Variants in PLXND1 observed in about 807,000 individuals in gnomAD.
The protein encoded by PLXND1 is plexin-D1.
PLXND1 carries 54 observed loss-of-function variants against 197.7 expected under a neutral mutation model. The ratio of observed to expected loss-of-function variants is 0.27; its 90% CI spans 0.22 to 0.34. The LOEUF (loss-of-function observed/expected upper bound fraction) is 0.34. Ranked by LOEUF, PLXND1 falls within the 10% of genes least tolerant of loss-of-function variation. The pLI, the probability that PLXND1 is intolerant of heterozygous loss-of-function variation, is 1.00. For synonymous variants in PLXND1, 1,180 were observed against 1,161.2 expected (o/e 1.02, Z -0.33); for missense variants, 2,127 against 2,699.2 (o/e 0.79, Z 4.70).
At chr3:129,586,950 C>T (rs1224019447) in intron 2 of PLXND1, among the ~76,000 whole-genome samples, 3 of 152,212 alleles carry the variant, frequency 2.0e-5, no homozygotes, top group Admixed American at 2.0e-4. Flanking sequence ...CCAAGGCATC[C>T]CGCCCTGTGA....
At chr3:129,586,936 G>T (rs575098781) in intron 2 of PLXND1, among the ~76,000 whole-genome samples, 16 of 152,322 alleles carry the variant, frequency 1.1e-4, no homozygotes, top group African/African-American at 3.6e-4. Flanking sequence ...TTCTGGGCTC[G>T]TCTCCAAGGC....
chr3:129,569,781 G>T, intron 20 of PLXND1, 62 bp downstream of exon 20: 1 of 911,874 alleles, frequency 1.1e-6, no homozygotes, highest in Non-Finnish European at 1.8e-6. Flanking sequence ...CCAATCTTCA[G>T]AGGGGCTGGG....
chr3:129,587,304 A>C (rs1261158670), intron 2 of PLXND1, among the ~76,000 whole-genome samples: 1 of 152,210 alleles, frequency 6.6e-6, no homozygotes, highest in African/African-American at 2.4e-5. Context: ...AAGAGATCAC[A>C]AGGCTACAAT....
At chr3:129,573,564 A>C in intron 13 of PLXND1, 30 bp downstream of exon 13, 1 of 1,600,838 alleles carries the variant, frequency 6.2e-7, no homozygotes, top group Non-Finnish European at 8.5e-7. Flanking sequence ...ACTGCTGGAG[A>C]AGGTAGGTGG....
intron 35 of PLXND1, 63 bp downstream of exon 35, chr3:129,556,554 G>C: frequency 7.4e-7 from 1 of 1,359,246 alleles, no homozygotes; most frequent in Non-Finnish European, 1.1e-6. Flanking sequence ...ACCCTGAGAT[G>C]TGTGTCCTTG....
rs2085235512 is a variant in PLXND1 at position 129,571,786 on chromosome 3, G to A, written c.3136C>T (p.Pro1046Ser). Residue 1046 changes from proline to serine, a missense_variant, in exon 16 of 36, where the codon CCT (proline) becomes TCT (serine). Around this residue, in one of 6 missense-constraint regions of PLXND1, gnomAD observed 1,095 missense variants for 1,259.8 expected, o/e 0.87. Coordinates refer to ENST00000324093, the MANE Select transcript of PLXND1 (RefSeq NM_015103.3). ...CGACGCTCGAAGCGCACACACACAG[G>A]CACCGGAGCCGGCAGGGCCCCCTCA... ...MPEGALPAPVPVCVRFERRGC... is the reference protein window; with the variant it reads ...MPEGALPAPVSVCVRFERRGC... 6.2e-7 allele frequency: 1 copy of A among 1,613,252 alleles called. No individual in the cohort carries two copies. Among genetic ancestry groups the A allele is most frequent in the Non-Finnish European group, 8.5e-7 (1 of 1,179,894 alleles).
chr3:129,592,779 C>T (rs1009524978), intron 1 of PLXND1, among the ~76,000 whole-genome samples: 7 of 152,118 alleles, frequency 4.6e-5, no homozygotes, highest in Non-Finnish European at 7.4e-5. Flanking sequence ...ATCTGTGTTC[C>T]GAGGGGGAAG....
At position 129,555,547 on chromosome 3, in the gene PLXND1, TA is replaced by T. The variant is rs529728173; in HGVS notation, c.*764del. On this transcript the variant is annotated 3_prime_UTR_variant, in exon 36 of 36. Transcript: ENST00000324093. ...TACGTTTTTTAATATATAAAAGCTT[TA>T]AAAAAAAAAGTGGTGCTATCTTTAG... is the stretch of plus-strand genomic sequence containing the variant. 1.3e-3 allele frequency: 710 copies of T among 553,750 alleles called. No individual in the cohort carries two copies. Among genetic ancestry groups the T allele is most frequent in the Admixed American group, 2.7e-3 (85 of 31,818 alleles). The allele number at this position is 553,750 out of a possible 1,614,324, so 34.3% of individuals were successfully genotyped here.
In PLXND1 at chr3:129,571,303, G is replaced by C; in HGVS notation, c.3337C>G (p.Leu1113Val). The change falls in exon 18 of 36, where the codon CTC becomes GTC. Residue 1113 changes from leucine (L) to valine (V), a missense_variant and splice_region_variant. Physicochemically the swap from Leu to Val is conservative, Grantham distance 32. This residue lies in a region of PLXND1 where 532 missense variants were observed against 811.0 expected (regional missense o/e 0.66). Coordinates refer to ENST00000324093, the MANE Select transcript of PLXND1 (RefSeq NM_015103.3). ...AGGGTGGAGTTGAGAACCTTGCAGAGCTGGTGCAGGAGAGCCAGGGGCCCA... is the reference window on the plus strand; with the variant it reads ...AGGGTGGAGTTGAGAACCTTGCAGACCTGGTGCAGGAGAGCCAGGGGCCCA... Reference protein sequence around the residue: ...AVHHIGREPTLCKVLNSTLIT... With the variant: ...AVHHIGREPTVCKVLNSTLIT... 6.2e-7 allele frequency: 1 copy of C among 1,611,460 alleles called. No homozygotes were observed. Among genetic ancestry groups the C allele is most frequent in the Non-Finnish European group, 8.5e-7 (1 of 1,178,832 alleles).
intron 2 of PLXND1, among the ~76,000 whole-genome samples, chr3:129,587,164 C>T (rs1211516240): frequency 6.6e-6 from 1 of 152,200 alleles, no homozygotes; most frequent in Non-Finnish European, 1.5e-5. Context: ...AAGACACAGG[C>T]CAGGCTGATG....
At chr3:129,565,194 CG>C in intron 25 of PLXND1, 145 bp downstream of exon 25, 1 of 670,518 alleles carries the variant, frequency 1.5e-6, no homozygotes, top group Non-Finnish European at 2.6e-6. Context: ...ACAGGTCCTA[CG>C]GGCCTGGCCT....
Position 129,567,483 on chromosome 3 carries a change from C to A in PLXND1, c.4086+9G>T. 1 of 1,539,006 alleles carries A rather than the reference C, an allele frequency of 6.5e-7. No homozygotes were observed. The highest frequency in any genetic ancestry group is 2.3e-5 in the East Asian group (1 of 43,354). On this transcript the variant is annotated intron_variant, in intron 22 of 35. Transcript: ENST00000324093. The stretch of plus-strand genomic sequence containing the variant: ...CACAGGTTCAGGGCAGGCTCAGGCT[C>A]GGGCTGACCTTGGGGAAGAAGGTGC...
intron 1 of PLXND1, among the ~76,000 whole-genome samples, chr3:129,599,462 C>T (rs1389368637): frequency 1.3e-5 from 2 of 152,220 alleles, no homozygotes; most frequent in Non-Finnish European, 2.9e-5. Context: ...GCCTGCCTGG[C>T]TGTGGAAGGC....
Position 129,600,609 on chromosome 3 carries a change from G to A in PLXND1, c.1311+4720C>T, listed in dbSNP as rs1057108148. ...GGTCGAGACATTCTCAGGGCTGGGA[G>A]GGATGTCTCCTGGTCCAAGCCCTAT... On this transcript the variant is annotated intron_variant, in intron 1 of 35. Coordinates refer to ENST00000324093, the MANE Select transcript of PLXND1 (RefSeq NM_015103.3). Among the ~76,000 whole-genome samples, 11 of 151,996 alleles carry A rather than the reference G, an allele frequency of 7.2e-5. No homozygotes were observed. The East Asian group carries it at 2.0e-3, about 27-fold the overall frequency.
rs1291107928 is a variant in PLXND1, at chr3:129,557,474, C to T, written c.5446-251G>A. Among the ~76,000 whole-genome samples, 1 of 128,330 alleles carries T rather than the reference C, an allele frequency of 7.8e-6. No individual in the cohort carries two copies. Among genetic ancestry groups the T allele is most frequent in the Non-Finnish European group, 1.5e-5 (1 of 67,324 alleles). The allele number at this position is 128,330 out of a possible 152,430, so 84.2% of individuals were successfully genotyped here. A position where few individuals can be genotyped will look rare whatever the true frequency, so the allele number is the denominator to read the frequency against. ...GGACAATGATGTGGGTGGGGAGGGG[C>T]CCTACTTCTTTCAGGGGAAAAGTGC... On this transcript the variant is annotated intron_variant, in intron 33 of 35. Transcript: ENST00000324093. The surrounding 1 kb of genome is among the most constrained non-coding windows in gnomAD (Gnocchi z 4.8).
intron 34 of PLXND1, 186 bp from the exon 35 acceptor site, chr3:129,556,877 C>A: frequency 1.4e-6 from 1 of 694,170 alleles, no homozygotes. Context: ...AATCTCCTCT[C>A]CATCCAGAGG....
chr3:129,572,779 G>A (rs372835554), intron 14 of PLXND1, 31 bp from the exon 15 acceptor site: 48 of 1,603,180 alleles, frequency 3.0e-5, no homozygotes, highest in Middle Eastern at 1.7e-4. Flanking sequence ...TTTGGGCCTC[G>A]GGCCAGCCCC....
Position 129,555,362 on chromosome 3 carries a change from C to G in PLXND1, c.*950G>C. On this transcript the variant is annotated 3_prime_UTR_variant, in exon 36 of 36. Transcript: ENST00000324093. The stretch of plus-strand genomic sequence containing the variant: ...GCCCATCGGCCACAGAGGGTCGTTT[C>G]TGGCAGGAACGGAGTGGGTGGTAGT... 1 of 601,898 alleles carries G rather than the reference C, an allele frequency of 1.7e-6. No individual in the cohort carries two copies. The allele number at this position is 601,898 out of a possible 1,614,324, so 37.3% of individuals were successfully genotyped here. A position where few individuals can be genotyped will look rare whatever the true frequency, so the allele number is the denominator to read the frequency against.
chr3:129,559,647 T>G lies in PLXND1; in HGVS notation c.5270A>C (p.Asp1757Ala). ...QAEKRGISDPDTLHIWKTNSL... is the reference protein window; with the variant it reads ...QAEKRGISDPATLHIWKTNSL... ...GTTGGTCTTCCAGATGTGTAGGGTG[T>G]CGGGGTCGGAGATTCCCCTCTTCTC... Residue 1757 changes from aspartate (D) to alanine (A), a missense_variant, in exon 32 of 36, where the codon GAC (aspartate) becomes GCC (alanine). Physicochemically the swap from Asp to Ala is moderately radical, Grantham distance 126 (BLOSUM62 -2). Coordinates refer to ENST00000324093, the MANE Select transcript of PLXND1 (RefSeq NM_015103.3). The G allele has an allele frequency of 6.2e-7, 1 of 1,608,738 alleles. No homozygotes were observed. The highest frequency in any genetic ancestry group is 8.5e-7 in the Non-Finnish European group (1 of 1,177,522).
Sources: allele counts gnomAD v4.1 joint callset (sites outside exome capture counted in the v4.1 genomes callset), GRCh38; gene constraint gnomAD v4.1.1; regional missense constraint gnomAD v4.1.1; non-coding constraint Gnocchi (gnomAD v3.1); transcripts MANE v1.5; gene names NCBI Gene and HGNC (gene_info 2026-07-23, HGNC 2026-07-21).